The following GOLPH3L variants were observed in gnomAD, a reference collection of about 807,000 sequenced individuals.
The protein encoded by GOLPH3L is Golgi phosphoprotein 3-like.
Under a neutral mutation model 30.3 loss-of-function variants are expected in GOLPH3L, and 22 were observed. That is an observed-to-expected ratio of 0.73 (90% CI 0.52 to 1.04). GOLPH3L has a LOEUF of 1.04. Ranked by LOEUF, GOLPH3L falls within the 50% of genes least tolerant of loss-of-function variation. The probability of loss-of-function intolerance (pLI) is 0.00; values close to 1 mark genes in which losing one functional copy is unlikely to be tolerated. For synonymous variants in GOLPH3L, 120 were observed against 128.2 expected (o/e 0.94, Z 0.43); for missense variants, 303 against 345.8 (o/e 0.88, Z 0.98).
intron 4 of GOLPH3L, among the ~76,000 whole-genome samples, chr1:150,660,163 T>C (rs1650336393): frequency 6.6e-6 from 1 of 152,212 alleles, no homozygotes; most frequent in African/African-American, 2.4e-5. Flanking sequence ...TCAATATTTT[T>C]AGTCATTAGG....
intron 2 of GOLPH3L, among the ~76,000 whole-genome samples, chr1:150,691,120 CCCTT>C (rs975418794): frequency 2.6e-5 from 4 of 151,382 alleles, no homozygotes; most frequent in African/African-American, 9.7e-5. Context: ...ATGCTGAAAA[CCCTT>C]CCCTACTAAG....
chr1:150,669,172 A>G (rs1163857871), intron 2 of GOLPH3L, among the ~76,000 whole-genome samples: 1 of 152,196 alleles, frequency 6.6e-6, no homozygotes, highest in East Asian at 1.9e-4. Flanking sequence ...TATAAAACAA[A>G]CACCTGTATA....
At chr1:150,666,414 G>C (rs914351941) in intron 2 of GOLPH3L, among the ~76,000 whole-genome samples, 2 of 151,978 alleles carry the variant, frequency 1.3e-5, no homozygotes, top group East Asian at 3.9e-4. Context: ...GCACAATCTC[G>C]GCTCACTGCA....
chr1:150,688,905 T>A lies in GOLPH3L; in HGVS notation c.183+5751A>T, dbSNP rs371497049. On this transcript the variant is annotated intron_variant, in intron 2 of 4. Coordinates refer to ENST00000271732, the MANE Select transcript of GOLPH3L (RefSeq NM_018178.6). ...TACTCAGAACACACTTATACACATA[T>A]CACATTGTTCTGAAATGGTCTGCTG... Among the ~76,000 whole-genome samples the A allele has an allele frequency of 3.0e-4, 46 of 152,260 alleles. No individual in the cohort carries two copies. The South Asian group carries it at 8.9e-3, about 29-fold the overall frequency.
chr1:150,648,723 T>C lies in GOLPH3L; in HGVS notation c.456A>G (p.Leu152=), dbSNP rs1213016141. 1 of 1,611,224 alleles carries C rather than the reference T, an allele frequency of 6.2e-7. No homozygotes were observed. The highest frequency in any genetic ancestry group is 1.1e-5 in the South Asian group (1 of 90,992). The change falls in exon 5 of 5, where the codon TTA becomes TTG. Residue 152 remains leucine, a synonymous_variant. Transcript: ENST00000271732. ...CTCGTACATTTCTCAGCTGGTACTG[T>C]AATTTGAAGGGGTTCCAGGTCTCAC... ...LTGETWNPFK[L]QYQLRNVRER...
chr1:150,652,724 T>C (rs1036332994), intron 4 of GOLPH3L, among the ~76,000 whole-genome samples: 10 of 152,142 alleles, frequency 6.6e-5, no homozygotes, highest in Non-Finnish European at 1.2e-4. Context: ...TGAGTTATAA[T>C]TTTTAACTTT....
intron 4 of GOLPH3L, among the ~76,000 whole-genome samples, chr1:150,649,837 A>AAAT (rs148918789): frequency 2.0e-5 from 3 of 152,062 alleles, no homozygotes; most frequent in Admixed American, 2.0e-4. Context: ...CTAAGCTTAA[A>AAAT]AATAATAATA....
At position 150,678,258 on chromosome 1, in the gene GOLPH3L, T is replaced by C. The variant is rs587737573; in HGVS notation, c.184-14495A>G. On this transcript the variant is annotated intron_variant, in intron 2 of 4. Transcript: ENST00000271732. ...AGGTTTCAGTGAGCCGAGATCGCCT[T>C]GGGCAACAAGATCGAAACTCCGTCT... 8.6e-5 allele frequency among the ~76,000 whole-genome samples: 8 copies of C among 92,512 alleles called. No homozygotes were observed. In the South Asian group the frequency reaches 3.3e-3, roughly 38 times the overall value. 60.7% of individuals were successfully genotyped at this position (92,512 alleles called of 152,430 possible). A position where few individuals can be genotyped will look rare whatever the true frequency, so the allele number is the denominator to read the frequency against.
chr1:150,694,381 G>T, intron 2 of GOLPH3L: 1 of 316,548 alleles, frequency 3.2e-6, no homozygotes. Context: ...ATCTAACTTG[G>T]GAAACTACAA....
intron 2 of GOLPH3L, among the ~76,000 whole-genome samples, chr1:150,683,532 A>T (rs1651010603): frequency 3.7e-5 from 1 of 26,944 alleles, no homozygotes; most frequent in Non-Finnish European, 1.3e-4. Flanking sequence ...ACTCTGTCTC[A>T]AAAAAAAAAA....
intron 2 of GOLPH3L, chr1:150,694,107 C>T: frequency 2.3e-6 from 1 of 431,406 alleles, no homozygotes; most frequent in South Asian, 1.7e-5. Flanking sequence ...GATTCACTCA[C>T]CTCGGCTCCC....
chr1:150,682,752 T>C (rs1018155696), intron 2 of GOLPH3L, among the ~76,000 whole-genome samples: 2 of 151,264 alleles, frequency 1.3e-5, no homozygotes, highest in Non-Finnish European at 2.9e-5. Context: ...CTTAGACAAA[T>C]TTTAAAAACT....
chr1:150,671,137 G>A (rs1030006533), intron 2 of GOLPH3L, among the ~76,000 whole-genome samples: 1 of 152,068 alleles, frequency 6.6e-6, no homozygotes, highest in African/African-American at 2.4e-5. Flanking sequence ...AGCTACTCAG[G>A]AGGGTGAGGC....
chr1:150,652,745 G>A (rs942119463), intron 4 of GOLPH3L, among the ~76,000 whole-genome samples: 18 of 151,934 alleles, frequency 1.2e-4, no homozygotes, highest in Non-Finnish European at 2.9e-5. Flanking sequence ...TTAAACTTTT[G>A]CGCAAGGTTA....
intron 2 of GOLPH3L, among the ~76,000 whole-genome samples, chr1:150,671,451 A>G (rs1650641952): frequency 6.6e-6 from 1 of 152,130 alleles, no homozygotes; most frequent in South Asian, 2.1e-4. Flanking sequence ...ACTTCCTTGA[A>G]GACACACCTT....
chr1:150,651,642 C>CAAAAAAAAAAAAAAAA (rs59940841), intron 4 of GOLPH3L, among the ~76,000 whole-genome samples: 83 of 60,722 alleles, frequency 1.4e-3, no homozygotes, highest in East Asian at 1.9e-3. Context: ...GAGCGAAACT[C>CAAAAAAAAAAAAAAAA]AAAAAAAAAA....
intron 2 of GOLPH3L, among the ~76,000 whole-genome samples, chr1:150,686,458 G>T (rs1651088327): frequency 6.6e-6 from 1 of 152,024 alleles, no homozygotes; most frequent in East Asian, 1.9e-4. Flanking sequence ...TCCCATTTTG[G>T]CCTCCCAAAC....
At chr1:150,670,453 C>T (rs1164667708) in intron 2 of GOLPH3L, among the ~76,000 whole-genome samples, 21 of 151,782 alleles carry the variant, frequency 1.4e-4, no homozygotes, top group African/African-American at 3.6e-4. Context: ...AAAAATTAGC[C>T]GGGCGTGGTG....
intron 4 of GOLPH3L, among the ~76,000 whole-genome samples, chr1:150,652,504 G>A (rs1468603077): frequency 1.3e-5 from 2 of 150,736 alleles, no homozygotes; most frequent in Non-Finnish European, 2.9e-5. Context: ...TTCACTGCTA[G>A]CAGACCTGCT....
Sources: gnomAD v4.1 joint callset for allele counts (sites outside exome capture counted in the v4.1 genomes callset) on GRCh38, gnomAD v4.1.1 for gene constraint, MANE v1.5 for transcripts, NCBI Gene and HGNC (gene_info 2026-07-23, HGNC 2026-07-21) for gene names.